Variants in SYT1 observed in about 807,000 individuals in gnomAD.
The protein encoded by SYT1 is synaptotagmin-1.
In SYT1, 8 loss-of-function variants were observed where a neutral mutation model predicts 44.8. That is an observed-to-expected ratio of 0.18 (90% CI 0.10 to 0.32). SYT1 has a LOEUF of 0.32. SYT1 is among the 10% of genes least tolerant of loss of function. SYT1 has a pLI of 1.00. For synonymous variants in SYT1, 154 were observed against 188.8 expected (o/e 0.82, Z 1.51); for missense variants, 286 against 509.3 (o/e 0.56, Z 4.22).
chr12:79,217,651 G>A lies in SYT1; in HGVS notation c.132G>A (p.Lys44=), dbSNP rs1386611373. 1 of 1,612,808 alleles carries A rather than the reference G, an allele frequency of 6.2e-7. No homozygotes were observed. Among genetic ancestry groups the A allele is most frequent in the East Asian group, 2.2e-5 (1 of 44,750 alleles). ...EGKEDAFSKL[K]EKFMNELHKI... is the part of the protein sequence containing the mutation. ...AGGAAGATGCATTTTCTAAGCTGAA[G>A]GAGAAGTTTATGAATGAGTTGCATA... The change falls in exon 4 of 11, where the codon AAG becomes AAA. Residue 44 remains lysine (K), a synonymous_variant. Coordinates refer to ENST00000261205, the MANE Select transcript of SYT1 (RefSeq NM_005639.3).
At chr12:79,353,063 G>A (rs528202540) in intron 8 of SYT1, among the ~76,000 whole-genome samples, 261 of 152,228 alleles carry the variant, frequency 1.7e-3, no homozygotes, top group African/African-American at 6.0e-3. Flanking sequence ...AGTATTAGAG[G>A]TAATCCTATT....
chr12:79,232,432 A>G (rs1411400834), intron 4 of SYT1, among the ~76,000 whole-genome samples: 1 of 152,180 alleles, frequency 6.6e-6, no homozygotes, highest in African/African-American at 2.4e-5. Flanking sequence ...TTGCTCCAGC[A>G]CGACAGTTAC....
intron 3 of SYT1, among the ~76,000 whole-genome samples, chr12:79,193,272 C>T (rs1010301763): frequency 1.3e-4 from 19 of 151,914 alleles, no homozygotes; most frequent in African/African-American, 9.7e-5. Context: ...AAATATAATG[C>T]TAGGCAATAA....
intron 1 of SYT1, among the ~76,000 whole-genome samples, chr12:78,900,907 G>GCCA (rs1875626386): frequency 6.6e-6 from 1 of 152,042 alleles, no homozygotes; most frequent in Non-Finnish European, 1.5e-5. Context: ...ATTCATTGCG[G>GCCA]TTTGTCAGAA....
intron 8 of SYT1, among the ~76,000 whole-genome samples, chr12:79,351,294 T>C (rs1295967016): frequency 1.3e-5 from 2 of 152,324 alleles, no homozygotes; most frequent in African/African-American, 4.8e-5. Context: ...AAACTTCCTA[T>C]GTGTCATAAG....
At chr12:79,076,423 A>C (rs972606055) in intron 3 of SYT1, among the ~76,000 whole-genome samples, 1 of 152,034 alleles carries the variant, frequency 6.6e-6, no homozygotes, top group Non-Finnish European at 1.5e-5. Context: ...ATGTTACCAA[A>C]ATTTTCTAAA....
chr12:78,931,182 A>G (rs1020160696), intron 1 of SYT1, among the ~76,000 whole-genome samples: 8 of 17,268 alleles, frequency 4.6e-4, no homozygotes, highest in African/African-American at 2.8e-3. Flanking sequence ...AGAAAGAAAA[A>G]GAAAGAAAGA....
chr12:79,212,497 T>TG (rs1266456941), intron 3 of SYT1, among the ~76,000 whole-genome samples: 1 of 69,644 alleles, frequency 1.4e-5, no homozygotes, highest in Non-Finnish European at 3.0e-5. Flanking sequence ...TAAAGTAAAA[T>TG]GAAAAAAAAA....
intron 3 of SYT1, among the ~76,000 whole-genome samples, chr12:79,178,084 C>A (rs116004919): frequency 6.6e-6 from 1 of 151,982 alleles, no homozygotes; most frequent in African/African-American, 2.4e-5. Flanking sequence ...GCTTTTGTTG[C>A]CATTGCTGTA....
chr12:79,312,226 G>A (rs572358237), intron 8 of SYT1, among the ~76,000 whole-genome samples: 1 of 151,984 alleles, frequency 6.6e-6, no homozygotes, highest in East Asian at 1.9e-4. Context: ...TTATTAAATC[G>A]ATTTGTAAAA....
chr12:78,965,906 G>A (rs189322048), intron 1 of SYT1, among the ~76,000 whole-genome samples: 1 of 151,784 alleles, frequency 6.6e-6, no homozygotes, highest in Admixed American at 6.6e-5. Context: ...TTGAAACCCC[G>A]TCTCTACTAA....
chr12:79,139,748 A>C (rs968828582), intron 3 of SYT1, among the ~76,000 whole-genome samples: 1 of 152,212 alleles, frequency 6.6e-6, no homozygotes, highest in East Asian at 1.9e-4. Flanking sequence ...CTGAGACAGG[A>C]CACATTTTTG....
chr12:79,132,111 A>G (rs1050651244), intron 3 of SYT1, among the ~76,000 whole-genome samples: 1 of 152,218 alleles, frequency 6.6e-6, no homozygotes, highest in African/African-American at 2.4e-5. Context: ...ATAAAGGAAT[A>G]ATCCCATTAA....
chr12:79,234,428 C>A (rs750946804), intron 4 of SYT1, among the ~76,000 whole-genome samples: 1 of 152,222 alleles, frequency 6.6e-6, no homozygotes, highest in Non-Finnish European at 1.5e-5. Flanking sequence ...CCTGCTACCT[C>A]TAGTTATGGG....
intron 1 of SYT1, among the ~76,000 whole-genome samples, chr12:78,938,030 G>A (rs1352940676): frequency 1.3e-5 from 2 of 152,156 alleles, no homozygotes; most frequent in Admixed American, 6.5e-5. Context: ...GTTAAAAGTC[G>A]ATGTAAAGAC....
intron 4 of SYT1, among the ~76,000 whole-genome samples, chr12:79,255,333 A>G (rs1034729638): frequency 2.0e-5 from 3 of 152,218 alleles, no homozygotes; most frequent in African/African-American, 7.2e-5. Context: ...TTTTTTAGCT[A>G]TAAAGTGTTT....
intron 3 of SYT1, among the ~76,000 whole-genome samples, chr12:79,198,107 A>G (rs938879117): frequency 1.3e-5 from 2 of 152,194 alleles, no homozygotes; most frequent in Non-Finnish European, 2.9e-5. Context: ...TTGTTATAAA[A>G]TTTCATTTTG....
intron 9 of SYT1, among the ~76,000 whole-genome samples, chr12:79,358,708 G>T (rs1179467666): frequency 6.6e-6 from 1 of 152,114 alleles, no homozygotes; most frequent in African/African-American, 2.4e-5. Context: ...CTACCTTCAA[G>T]ATGGGAGAGC....
chr12:78,935,777 T>C (rs1878019670), intron 1 of SYT1, among the ~76,000 whole-genome samples: 1 of 152,020 alleles, frequency 6.6e-6, no homozygotes, highest in African/African-American at 2.4e-5. Context: ...AAAAAGAAAT[T>C]ATTCCTAGGT....
Sources: gnomAD v4.1 joint callset for allele counts (sites outside exome capture counted in the v4.1 genomes callset) on GRCh38, gnomAD v4.1.1 for gene constraint, MANE v1.5 for transcripts, NCBI Gene and HGNC (gene_info 2026-07-23, HGNC 2026-07-21) for gene names.